PTPRK: variants seen among roughly 807,000 people sequenced by gnomAD.
PTPRK encodes protein tyrosine phosphatase receptor type K, also known as receptor-type tyrosine-protein phosphatase kappa.
PTPRK carries 75 observed loss-of-function variants against 178.0 expected under a neutral mutation model. The observed-to-expected ratio is 0.42, with a 90% CI of 0.35 to 0.51. The LOEUF (loss-of-function observed/expected upper bound fraction) is 0.51, where lower values mean the gene tolerates loss of function less well. Among genes scored for constraint, PTPRK ranks in the 20% least tolerant of loss-of-function variants. The pLI, the probability that PTPRK is intolerant of heterozygous loss-of-function variation, is 0.02. For synonymous variants in PTPRK, 637 were observed against 620.6 expected, an observed-to-expected ratio of 1.03 and a Z score of -0.39; for missense variants, 1,441 against 1,797.8, an observed-to-expected ratio of 0.80 and a Z score of 3.59.
chr6:128,237,521 C>T (rs562678758), intron 5 of PTPRK, among the ~76,000 whole-genome samples: 1 of 152,324 alleles, frequency 6.6e-6, no homozygotes, highest in African/African-American at 2.4e-5. Context: ...GGCCATGTTT[C>T]AAGCCACCAA....
chr6:128,079,255 C>T (rs1784380072), intron 10 of PTPRK, among the ~76,000 whole-genome samples: 1 of 151,956 alleles, frequency 6.6e-6, no homozygotes, highest in Non-Finnish European at 1.5e-5. Flanking sequence ...ACTGAGAAGA[C>T]TGGGCAGTAG....
chr6:128,145,665 A>C (rs1796380626), intron 7 of PTPRK, among the ~76,000 whole-genome samples: 1 of 150,384 alleles, frequency 6.6e-6, no homozygotes, highest in Middle Eastern at 3.2e-3. Context: ...AGGAGTTAAA[A>C]ATGATCAAAA....
intron 1 of PTPRK, among the ~76,000 whole-genome samples, chr6:128,434,438 T>C (rs896459995): frequency 2.0e-5 from 3 of 152,228 alleles, no homozygotes; most frequent in African/African-American, 4.8e-5. Flanking sequence ...CCCGGGGCAA[T>C]TGAATATAGC....
Position 128,009,110 on chromosome 6 carries a change from A to C in PTPRK, c.2333+20T>G, listed in dbSNP as rs1246991015. 2 of 1,603,692 alleles carry C rather than the reference A, an allele frequency of 1.2e-6. No individual in the cohort carries two copies. Among genetic ancestry groups the C allele is most frequent in the African/African-American group, 2.7e-5 (2 of 74,258 alleles). ...GACATAAATGGTAAGTGAGTGGGAC[A>C]GGACAATATTAGGCCTTACCTCTTT... On this transcript the variant is annotated intron_variant, in intron 14 of 29. Coordinates refer to ENST00000368226, the MANE Select transcript of PTPRK (RefSeq NM_002844.4).
intron 1 of PTPRK, among the ~76,000 whole-genome samples, chr6:128,440,993 G>A (rs1269803638): frequency 6.6e-6 from 1 of 152,098 alleles, no homozygotes; most frequent in East Asian, 1.9e-4. Flanking sequence ...CCTACACTGT[G>A]TGTTCCAACT....
At chr6:128,393,180 C>T (rs903546699) in intron 2 of PTPRK, among the ~76,000 whole-genome samples, 1 of 151,504 alleles carries the variant, frequency 6.6e-6, no homozygotes, top group African/African-American at 2.4e-5. Flanking sequence ...CAACCTCCGC[C>T]TCCCAGTTCA....
At chr6:128,272,627 C>T (rs193302825) in intron 3 of PTPRK, among the ~76,000 whole-genome samples, 4 of 152,186 alleles carry the variant, frequency 2.6e-5, no homozygotes, top group African/African-American at 9.6e-5. Flanking sequence ...ATCACTGGCC[C>T]TCAGAGAAAT....
chr6:127,989,077 A>C (rs900023808), intron 21 of PTPRK, among the ~76,000 whole-genome samples: 11 of 152,134 alleles, frequency 7.2e-5, no homozygotes, highest in African/African-American at 2.7e-4. Flanking sequence ...GTCACTGGTC[A>C]GCAGTTTGTC....
At chr6:128,434,689 G>A (rs1845279317) in intron 1 of PTPRK, among the ~76,000 whole-genome samples, 1 of 152,032 alleles carries the variant, frequency 6.6e-6, no homozygotes, top group Non-Finnish European at 1.5e-5. Context: ...TTTTTATGCT[G>A]GTCCATTCCA....
chr6:128,067,383 G>A (rs1781983611), intron 12 of PTPRK, 136 bp downstream of exon 12: 2 of 1,001,168 alleles, frequency 2.0e-6, no homozygotes, highest in Non-Finnish European at 2.7e-6. Flanking sequence ...TGCGCACACT[G>A]TTGAGAACAG....
At chr6:128,238,227 G>A (rs1018895161) in intron 5 of PTPRK, 1 of 391,722 alleles carries the variant, frequency 2.6e-6, no homozygotes, top group Admixed American at 3.5e-5. Flanking sequence ...AAGAGGTGAG[G>A]TAGGGGAGAA....
intron 13 of PTPRK, among the ~76,000 whole-genome samples, chr6:128,048,560 A>G (rs1044041864): frequency 6.6e-6 from 1 of 152,152 alleles, no homozygotes; most frequent in Non-Finnish European, 1.5e-5. Context: ...CCCTAGACAC[A>G]TTCTTCCAGT....
intron 3 of PTPRK, among the ~76,000 whole-genome samples, chr6:128,270,762 A>G (rs557189609): frequency 1.3e-5 from 2 of 151,722 alleles, no homozygotes; most frequent in South Asian, 4.1e-4. Context: ...TCAAAATGCT[A>G]TTCAGAAAAT....
intron 7 of PTPRK, among the ~76,000 whole-genome samples, chr6:128,172,839 C>T (rs1303121560): frequency 2.0e-5 from 3 of 151,712 alleles, no homozygotes; most frequent in Non-Finnish European, 4.4e-5. Flanking sequence ...TATTCTCTCA[C>T]ACACACGAAC....
Position 128,064,772 on chromosome 6 carries a change from C to T in PTPRK, c.2180G>A (p.Arg727His), listed in dbSNP as rs767266357. 10 of 1,586,288 alleles carry T rather than the reference C, an allele frequency of 6.3e-6. No homozygotes were observed. Among genetic ancestry groups the T allele is most frequent in the Admixed American group, 5.7e-5 (3 of 53,096 alleles). ...AAACCTCTTACCTTTTGTAGCAATG[C>T]GTACGCACTGGGTTTTAGTTTCCTG... Reference protein sequence around the residue: ...VEKETKTQCVRIATKAAATEE... With the variant: ...VEKETKTQCVHIATKAAATEE... The change falls in exon 13 of 30, where the codon CGC becomes CAC. Residue 727 changes from arginine (R) to histidine (H), a missense_variant. Coordinates refer to ENST00000368226, the MANE Select transcript of PTPRK (RefSeq NM_002844.4).
intron 16 of PTPRK, among the ~76,000 whole-genome samples, chr6:127,998,497 C>A (rs1205808240): frequency 6.6e-6 from 1 of 151,712 alleles, no homozygotes; most frequent in Admixed American, 6.6e-5. Context: ...ATTAAAGATT[C>A]TTGTAATAAA....
chr6:128,026,694 A>G (rs967982875), intron 13 of PTPRK, among the ~76,000 whole-genome samples: 3 of 152,216 alleles, frequency 2.0e-5, no homozygotes, highest in African/African-American at 7.2e-5. Context: ...TCATCTTGAA[A>G]AAATATAAGA....
chr6:128,259,384 C>A (rs1319291654), intron 3 of PTPRK, among the ~76,000 whole-genome samples: 4 of 152,102 alleles, frequency 2.6e-5, no homozygotes, highest in Non-Finnish European at 4.4e-5. Context: ...AAGAGGAAAG[C>A]TTTTCACAAT....
In PTPRK at chr6:128,465,635, C is replaced by CT. The variant is rs547390422; in HGVS notation, c.100+54623_100+54624insA. ...TGAAAATGCAGGCCTTTTATTCAAA[C>CT]ACCAGGAAAATGAATTCCTTTATCT... On this transcript the variant is annotated intron_variant, in intron 1 of 29. Transcript: ENST00000368226. 3.3e-3 allele frequency among the ~76,000 whole-genome samples: 501 copies of CT among 152,280 alleles called. 2 individuals carry two copies. The highest frequency in any genetic ancestry group is 0.011 in the African/African-American group (473 of 41,566).
Sources: gnomAD v4.1 joint callset for allele counts (sites outside exome capture counted in the v4.1 genomes callset) on GRCh38, gnomAD v4.1.1 for gene constraint, MANE v1.5 for transcripts, NCBI Gene and HGNC (gene_info 2026-07-23, HGNC 2026-07-21) for gene names.